The following GP2 variants were observed in gnomAD, a reference collection of about 807,000 sequenced individuals.
GP2 encodes the protein pancreatic secretory granule membrane major glycoprotein GP2.
A neutral mutation model predicts 60.8 loss-of-function variants in GP2; 58 were observed. The ratio of observed to expected loss-of-function variants is 0.95; its 90% CI spans 0.77 to 1.19. The LOEUF (loss-of-function observed/expected upper bound fraction) is 1.19. Among genes scored for constraint, GP2 ranks in the 50% most tolerant of loss-of-function variants. The pLI is 0.00. For synonymous variants in GP2, 280 were observed against 253.4 expected (o/e 1.10, Z -1.00); for missense variants, 647 against 667.4 (o/e 0.97, Z 0.34).
chr16:20,317,182 T>C (rs770603409), intron 8 of GP2, 31 bp downstream of exon 8: 117 of 1,397,172 alleles, frequency 8.4e-5, no homozygotes, highest in Non-Finnish European at 1.1e-4. Context: ...CATGCCAGGC[T>C]CTGAAGAGTT....
Position 20,310,196 on chromosome 16 carries a change from C to T in GP2, c.*1027G>A, listed in dbSNP as rs1030326150. ...TTCCCATAGCAGGACTGGTGCATTG[C>T]TTCTGTTGGGACTTCTTGCTTAATC... On this transcript the variant is annotated 3_prime_UTR_variant, in exon 11 of 11. Transcript: ENST00000302555. 2 of 152,228 alleles carry T rather than the reference C, an allele frequency of 1.3e-5. No individual in the cohort carries two copies. Among genetic ancestry groups the T allele is most frequent in the African/African-American group, 4.8e-5 (2 of 41,454 alleles). 9.4% of individuals were successfully genotyped at this position (152,228 alleles called of 1,614,324 possible).
rs555956297 is a variant in GP2 at position 20,319,084 on chromosome 16, G to C, written c.1007+536C>G. On this transcript the variant is annotated intron_variant, in intron 6 of 10. Transcript: ENST00000302555. ...GCCCCTGCCCAAATTGCTATCTGAT[G>C]CTATTTCTGCTGGGGACGGGGGTGC... Among the ~76,000 whole-genome samples the C allele has an allele frequency of 8.5e-5, 13 of 152,194 alleles. No homozygotes were observed. The South Asian group carries it at 2.7e-3, about 32-fold the overall frequency.
chr16:20,322,135 CCTT>C (rs796651960), intron 4 of GP2, among the ~76,000 whole-genome samples: 25 of 152,354 alleles, frequency 1.6e-4, no homozygotes, highest in African/African-American at 5.8e-4. Context: ...GTGTCATGCT[CCTT>C]CTTGTCCTGC....
At chr16:20,321,406 T>C (rs1264158508) in intron 4 of GP2, among the ~76,000 whole-genome samples, 1 of 152,244 alleles carries the variant, frequency 6.6e-6, no homozygotes, top group East Asian at 1.9e-4. Context: ...AAATAAGGCA[T>C]GGACTTGGCC....
chr16:20,314,599 T>C (rs755504179), intron 10 of GP2, 58 bp downstream of exon 10: 52 of 1,196,906 alleles, frequency 4.3e-5, no homozygotes, highest in East Asian at 1.2e-4. Context: ...AGGGGCAGAA[T>C]TGAAAAGAGA....
chr16:20,318,265 A>T lies in GP2; in HGVS notation c.1173T>A (p.Phe391Leu). ...CATAGCAGTTCCTCAACACCAGGTT[A>T]AACCGGGAGGTGTCCCCTTGTTCCA... ...AILEQGDTSRFNLVLRNCYAT... is the reference protein window; with the variant it reads ...AILEQGDTSRLNLVLRNCYAT... Residue 391 changes from phenylalanine (F) to leucine (L), a missense_variant, in exon 7 of 11, where the codon TTT (phenylalanine) becomes TTA (leucine). Coordinates refer to ENST00000302555, the MANE Select transcript of GP2 (RefSeq NM_001502.4). 1.2e-6 allele frequency: 2 copies of T among 1,612,840 alleles called. 1 individual carries two copies. The highest frequency in any genetic ancestry group is 3.3e-4 in the Middle Eastern group (2 of 6,056).
At position 20,323,296 on chromosome 16, in the gene GP2, G is replaced by C. The variant is rs1964422999; in HGVS notation, c.536-317C>G. On this transcript the variant is annotated intron_variant, in intron 3 of 10. Transcript: ENST00000302555. ...GCTAGAATGCCAAGTTCAAATCCCAGCTGTACCATGCTCCAGCTCTGTGAT... is the reference window on the plus strand; with the variant it reads ...GCTAGAATGCCAAGTTCAAATCCCACCTGTACCATGCTCCAGCTCTGTGAT... 21 of 706,584 alleles carry C rather than the reference G, an allele frequency of 3.0e-5. 2 individuals carry two copies. In the South Asian group the frequency reaches 3.2e-4, roughly 11 times the overall value. 43.8% of individuals were successfully genotyped at this position (706,584 alleles called of 1,614,324 possible).
In GP2 at chr16:20,318,557, G is replaced by A. The variant is rs1039978272; in HGVS notation, c.1008-127C>T. 2.0e-5 allele frequency: 16 copies of A among 818,118 alleles called. No homozygotes were observed. In the South Asian group the frequency reaches 2.5e-4, roughly 13 times the overall value. 50.7% of individuals were successfully genotyped at this position (818,118 alleles called of 1,614,324 possible). A position where few individuals can be genotyped will look rare whatever the true frequency, so the allele number is the denominator to read the frequency against. ...GATCCTTAAGTGAACTAGTCAATCA[G>A]TCGTTTAAACTGAGCATTTATTAGC... On this transcript the variant is annotated intron_variant, in intron 6 of 10. Coordinates refer to ENST00000302555, the MANE Select transcript of GP2 (RefSeq NM_001502.4).
chr16:20,320,899 T>G (rs1964335751), intron 4 of GP2, among the ~76,000 whole-genome samples: 1 of 152,188 alleles, frequency 6.6e-6, no homozygotes, highest in African/African-American at 2.4e-5. Context: ...CTACAACACT[T>G]ATCAAAACTG....
rs779528205 is a variant in GP2, at chr16:20,311,216, G to A, written c.*7C>T. The A allele has an allele frequency of 1.0e-5, 16 of 1,594,896 alleles. No homozygotes were observed. The highest frequency in any genetic ancestry group is 2.2e-5 in the South Asian group (2 of 90,726). ...CAAACTTCAAGGCCAGATGCTCAGC[G>A]GAGCTCTCAGAACAGCCAAGCCAGG... On this transcript the variant is annotated 3_prime_UTR_variant, in exon 11 of 11. Transcript: ENST00000302555.
At position 20,311,215 on chromosome 16, in the gene GP2, C is replaced by T. The variant is rs373559957; in HGVS notation, c.*8G>A. The T allele has an allele frequency of 6.3e-5, 100 of 1,594,096 alleles. No homozygotes were observed. Among genetic ancestry groups the T allele is most frequent in the Admixed American group, 1.5e-4 (9 of 59,956 alleles). Reference sequence around the variant, plus strand: ...ACAAACTTCAAGGCCAGATGCTCAGCGGAGCTCTCAGAACAGCCAAGCCAG... The same window carrying T: ...ACAAACTTCAAGGCCAGATGCTCAGTGGAGCTCTCAGAACAGCCAAGCCAG... On this transcript the variant is annotated 3_prime_UTR_variant, in exon 11 of 11. Coordinates refer to ENST00000302555, the MANE Select transcript of GP2 (RefSeq NM_001502.4).
intron 10 of GP2, among the ~76,000 whole-genome samples, chr16:20,314,159 G>A (rs1255183216): frequency 6.6e-6 from 1 of 151,142 alleles, no homozygotes; most frequent in Non-Finnish European, 1.5e-5. Context: ...GTTGGTGGGT[G>A]CAGCAAACCA....
In GP2 at chr16:20,320,304, C is replaced by A. The variant is rs1433156968; in HGVS notation, c.816G>T (p.Val272=). 6.2e-7 allele frequency: 1 copy of A among 1,614,130 alleles called. No homozygotes were observed. Among genetic ancestry groups the A allele is most frequent in the Non-Finnish European group, 8.5e-7 (1 of 1,179,998 alleles). ...LQTEERNWVS[V]TSPVQASACR... ...AGGCACTAGCCTGGACGGGGCTGGT[C>A]ACAGATACCCAGTTCCTCTCCTCTG... Residue 272 remains valine (V), a synonymous_variant, in exon 5 of 11, where the codon GTG becomes GTT. Transcript: ENST00000302555.
rs766862292 is a variant in GP2, at chr16:20,319,727, C to T, written c.900G>A (p.Leu300=). The change falls in exon 6 of 11, where the codon TTG becomes TTA. Residue 300 remains leucine, a synonymous_variant. Coordinates refer to ENST00000302555, the MANE Select transcript of GP2 (RefSeq NM_001502.4). The stretch of plus-strand genomic sequence containing the variant: ...TGTCTCTGATGATGAAATCATTGAC[C>T]AAGGAGAGGGTGTTTTTGTAGATGG... ...THAIYKNTLS[L]VNDFIIRDTI... The T allele has an allele frequency of 1.2e-6, 2 of 1,611,596 alleles. No individual in the cohort carries two copies. Among genetic ancestry groups the T allele is most frequent in the Non-Finnish European group, 1.7e-6 (2 of 1,177,818 alleles).
In GP2 at chr16:20,310,738, C is replaced by A. The variant is rs1256675103; in HGVS notation, c.*485G>T. On this transcript the variant is annotated 3_prime_UTR_variant, in exon 11 of 11. Transcript: ENST00000302555. ...GCCGAGGACAGATTGACAGAAACCC[C>A]ACTATGTTGCTTTTCTTTTTTTTTT... 6.5e-6 allele frequency: 1 copy of A among 154,184 alleles called. No homozygotes were observed. Among genetic ancestry groups the A allele is most frequent in the Non-Finnish European group, 1.4e-5 (1 of 70,550 alleles). The allele number at this position is 154,184 out of a possible 1,614,324, so 9.6% of individuals were successfully genotyped here. A position where few individuals can be genotyped will look rare whatever the true frequency, so the allele number is the denominator to read the frequency against.
At chr16:20,317,446 G>C in intron 7 of GP2, 71 bp from the exon 8 acceptor site, 1 of 1,192,642 alleles carries the variant, frequency 8.4e-7, no homozygotes. Context: ...AGTCCCTCGG[G>C]TTCCCTCCAT....
chr16:20,320,065 G>A (rs12928456), intron 5 of GP2, among the ~76,000 whole-genome samples, 197 bp downstream of exon 5: 77,714 of 151,996 alleles, frequency 0.51, 20,446 homozygotes, highest in East Asian at 0.85. Context: ...TGAAATTATC[G>A]TAATTGTAGC....
chr16:20,318,468 GAAC>G, intron 6 of GP2, 38 bp from the exon 7 acceptor site: 1 of 1,598,804 alleles, frequency 6.3e-7, no homozygotes, highest in Non-Finnish European at 8.6e-7. Context: ...AAACCTCAGA[GAAC>G]AACATAAATC....
chr16:20,318,441 G>A lies in GP2; in HGVS notation c.1008-11C>T. 1 of 1,611,156 alleles carries A rather than the reference G, an allele frequency of 6.2e-7. No homozygotes were observed. Among genetic ancestry groups the A allele is most frequent in the South Asian group, 1.1e-5 (1 of 90,964 alleles). On this transcript the variant is annotated splice_polypyrimidine_tract_variant and intron_variant, in intron 6 of 10. Transcript: ENST00000302555. Reference sequence around the variant, plus strand: ...CTGACGTTCAGGGAACTGAGAAAAAGAAAGCCACAAGAGTGGAAACCTCAG... The same window carrying A: ...CTGACGTTCAGGGAACTGAGAAAAAAAAAGCCACAAGAGTGGAAACCTCAG...
Sources: allele counts gnomAD v4.1 joint callset (sites outside exome capture counted in the v4.1 genomes callset), GRCh38; gene constraint gnomAD v4.1.1; transcripts MANE v1.5; gene names NCBI Gene and HGNC (gene_info 2026-07-23, HGNC 2026-07-21).